Variants in DYNC2I1 observed in about 807,000 individuals in gnomAD.
DYNC2I1 encodes the protein cytoplasmic dynein 2 intermediate chain 1.
Under a neutral mutation model 133.4 loss-of-function variants are expected in DYNC2I1, and 89 were observed. That is an observed-to-expected ratio of 0.67 (90% CI 0.56 to 0.80). The LOEUF is 0.80. DYNC2I1 is among the 30% of genes least tolerant of loss of function. The pLI, the probability that DYNC2I1 is intolerant of heterozygous loss-of-function variation, is 0.00. For synonymous variants in DYNC2I1, 504 were observed against 484.3 expected (o/e 1.04, Z -0.54); for missense variants, 1,291 against 1,314.5 (o/e 0.98, Z 0.28).
chr7:158,897,589 C>T (rs1285247051), intron 8 of DYNC2I1, among the ~76,000 whole-genome samples: 1 of 152,078 alleles, frequency 6.6e-6, no homozygotes, highest in African/African-American at 2.4e-5. Context: ...CAGTGATGTC[C>T]TCTTTTACCT....
downstream of DYNC2I1, among the ~76,000 whole-genome samples, chr7:158,948,060 C>T (rs1274609367): frequency 1.3e-5 from 2 of 152,192 alleles, no homozygotes; most frequent in Non-Finnish European, 2.9e-5. Context: ...TGCTTGTGGG[C>T]CCCTCCCAGG....
intron 3 of DYNC2I1, among the ~76,000 whole-genome samples, chr7:158,872,358 C>T (rs1047866351): frequency 7.3e-5 from 11 of 149,886 alleles, no homozygotes; most frequent in Non-Finnish European, 4.4e-5. Flanking sequence ...GCCAGCTGGG[C>T]GCGGTGGCTC....
chr7:158,879,778 G>A lies in DYNC2I1; in HGVS notation c.668G>A (p.Arg223Gln). The A allele has an allele frequency of 2.5e-6, 4 of 1,612,188 alleles. No homozygotes were observed. Among genetic ancestry groups the A allele is most frequent in the South Asian group, 1.1e-5 (1 of 90,914 alleles). ...CACAGGAAGCCCAGAGAGCCAGATC[G>A]AGACAACAAACACCGAGAAAAAAGC... ...RRHRKPREPD[R>Q]DNKHREKSST... is the part of the protein sequence containing the mutation. The change falls in exon 5 of 25, where the codon CGA becomes CAA. Residue 223 changes from arginine (R) to glutamine (Q), a missense_variant. Arg to Gln is a conservative substitution (Grantham distance 43). Coordinates refer to ENST00000407559, the MANE Select transcript of DYNC2I1 (RefSeq NM_018051.5).
At chr7:158,901,463 A>G (rs1846253314) in intron 8 of DYNC2I1, among the ~76,000 whole-genome samples, 1 of 152,236 alleles carries the variant, frequency 6.6e-6, no homozygotes, top group Non-Finnish European at 1.5e-5. Flanking sequence ...GCACATTTGA[A>G]GTTTATTTGT....
intron 11 of DYNC2I1, among the ~76,000 whole-genome samples, chr7:158,908,780 C>G (rs1472544325): frequency 6.6e-6 from 1 of 152,126 alleles, no homozygotes; most frequent in Non-Finnish European, 1.5e-5. Context: ...CATGGCCGGC[C>G]TGCTGGGGCC....
chr7:158,889,084 T>C (rs1002968005), intron 7 of DYNC2I1, among the ~76,000 whole-genome samples: 4 of 147,940 alleles, frequency 2.7e-5, no homozygotes, highest in South Asian at 2.1e-4. Flanking sequence ...GTTTTTCTTT[T>C]TTTTTTTTTT....
chr7:158,951,110 C>A (rs1044142838), downstream of DYNC2I1, among the ~76,000 whole-genome samples: 3 of 152,196 alleles, frequency 2.0e-5, no homozygotes, highest in African/African-American at 7.2e-5. Flanking sequence ...TCAAATAGTT[C>A]CAACATCTGA....
intron 7 of DYNC2I1, 143 bp from the exon 8 acceptor site, chr7:158,891,122 C>T (rs1259246278): frequency 2.4e-6 from 2 of 831,776 alleles, no homozygotes; most frequent in Non-Finnish European, 4.0e-6. Context: ...GACCTGCATC[C>T]CAGAGCGTTA....
At chr7:158,917,783 T>G (rs13243885) in intron 14 of DYNC2I1, among the ~76,000 whole-genome samples, 3,347 of 110,272 alleles carry the variant, frequency 0.03, 308 homozygotes, top group African/African-American at 0.062. Context: ...ATTTCTCACT[T>G]CAAATCTCCT....
intron 11 of DYNC2I1, among the ~76,000 whole-genome samples, chr7:158,908,116 C>T (rs1293840291): frequency 2.0e-5 from 3 of 151,816 alleles, no homozygotes; most frequent in South Asian, 4.2e-4. Context: ...TAGGAGTCCA[C>T]ACTTTATACG....
At chr7:158,888,465 A>G (rs987892842) in intron 7 of DYNC2I1, among the ~76,000 whole-genome samples, 1 of 151,128 alleles carries the variant, frequency 6.6e-6, no homozygotes, top group Non-Finnish European at 1.5e-5. Context: ...TGTGCCATAC[A>G]TACATATATA....
At chr7:158,899,268 G>C (rs761703895) in intron 8 of DYNC2I1, among the ~76,000 whole-genome samples, 18 of 151,910 alleles carry the variant, frequency 1.2e-4, no homozygotes, top group Non-Finnish European at 2.4e-4. Flanking sequence ...TTGGTCTGTG[G>C]TTGGTTGAAT....
rs61747095 is a variant in DYNC2I1 at position 158,926,415 on chromosome 7, G to T, written c.2385G>T (p.Leu795Phe). 6.2e-7 allele frequency: 1 copy of T among 1,613,230 alleles called. No individual in the cohort carries two copies. Among genetic ancestry groups the T allele is most frequent in the Non-Finnish European group, 8.5e-7 (1 of 1,179,500 alleles). ...TGTCTTCATCAGAAATGTCAGGTTT[G>T]TCCTTCCACATCGCTTCCTTGGATG... ...PFSTQEEMSG[L>F]SFHIASLDES... Residue 795 changes from leucine (L) to phenylalanine (F), a missense_variant, in exon 19 of 25, where the codon TTG becomes TTT. Coordinates refer to ENST00000407559, the MANE Select transcript of DYNC2I1 (RefSeq NM_018051.5).
chr7:158,954,801 G>C (rs1852159405), intron 4 of DYNC2I1, among the ~76,000 whole-genome samples: 1 of 152,190 alleles, frequency 6.6e-6, no homozygotes, highest in Non-Finnish European at 1.5e-5. Flanking sequence ...TCTTTTTAAA[G>C]GTTTATACAC....
intron 23 of DYNC2I1, among the ~76,000 whole-genome samples, chr7:158,937,346 G>A (rs1481812792): frequency 6.6e-6 from 1 of 152,240 alleles, no homozygotes; most frequent in Non-Finnish European, 1.5e-5. Context: ...CACAATCAAT[G>A]CTGGGCGCGG....
Position 158,876,597 on chromosome 7 carries a change from T to C in DYNC2I1, c.491-12T>C, listed in dbSNP as rs779824494. On this transcript the variant is annotated splice_polypyrimidine_tract_variant and intron_variant, in intron 3 of 24. Transcript: ENST00000407559. Reference sequence around the variant, plus strand: ...ATTTGGGAGTATTAAAAATATGTTTTACTTCTTGTAGTAAGTAAAGTAAGA... The same window carrying C: ...ATTTGGGAGTATTAAAAATATGTTTCACTTCTTGTAGTAAGTAAAGTAAGA... The C allele has an allele frequency of 1.7e-5, 27 of 1,554,806 alleles. 1 individual carries two copies. The highest frequency in any genetic ancestry group is 6.0e-6 in the Non-Finnish European group (7 of 1,158,474).
rs3815215 is a variant in DYNC2I1 at position 158,911,363 on chromosome 7, G to A, written c.1461-187G>A. On this transcript the variant is annotated intron_variant, in intron 11 of 24. Transcript: ENST00000407559. The stretch of plus-strand genomic sequence containing the variant: ...CACCAAATGCCAAGGTCACACACCA[G>A]GTTCCCACGACTGTCTACTACTCAG... Among the ~76,000 whole-genome samples the A allele has an allele frequency of 0.24, 36,110 of 151,954 alleles. 5,094 individuals carry two copies. The highest frequency in any genetic ancestry group is 0.52 in the East Asian group (2,665 of 5,158).
chr7:158,928,108 G>A (rs3793183), intron 20 of DYNC2I1, among the ~76,000 whole-genome samples: 24,986 of 152,102 alleles, frequency 0.16, 2,554 homozygotes, highest in East Asian at 0.45. Flanking sequence ...AAAGGTCCCC[G>A]GGTTTGGGCA....
chr7:158,886,968 T>G, intron 6 of DYNC2I1, 53 bp from the exon 7 acceptor site: 1 of 1,531,730 alleles, frequency 6.5e-7, no homozygotes, highest in Non-Finnish European at 9.0e-7. Flanking sequence ...GTTTTATTTT[T>G]TAAAAGCTCT....
Sources: allele counts gnomAD v4.1 joint callset (sites outside exome capture counted in the v4.1 genomes callset), GRCh38; gene constraint gnomAD v4.1.1; transcripts MANE v1.5; gene names NCBI Gene and HGNC (gene_info 2026-07-23, HGNC 2026-07-21).